The following ABHD17B variants were observed in gnomAD, a reference collection of about 807,000 sequenced individuals.
ABHD17B encodes abhydrolase domain containing 17B, depalmitoylase.
A neutral mutation model predicts 26.2 loss-of-function variants in ABHD17B; 9 were observed. The ratio of observed to expected loss-of-function variants is 0.34; its 90% CI spans 0.21 to 0.60. The LOEUF (loss-of-function observed/expected upper bound fraction) is 0.60, where lower values mean the gene tolerates loss of function less well. ABHD17B is among the 20% of genes least tolerant of loss of function. ABHD17B has a pLI of 0.80. For missense variants in ABHD17B, 224 were observed against 352.1 expected (o/e 0.64, Z 2.91); for synonymous variants, 127 against 122.3 (o/e 1.04, Z -0.25).
intron 1 of ABHD17B, among the ~76,000 whole-genome samples, chr9:71,910,379 G>A (rs1197662520): frequency 2.0e-5 from 3 of 152,106 alleles, no homozygotes; most frequent in East Asian, 3.9e-4. Flanking sequence ...CCGCTCCACG[G>A]ACCGCAGGGA....
At position 71,910,665 on chromosome 9, in the gene ABHD17B, G is replaced by C. The variant is rs1034471634; in HGVS notation, c.-35C>G. 2.0e-5 allele frequency: 3 copies of C among 152,192 alleles called. No homozygotes were observed. The highest frequency in any genetic ancestry group is 7.2e-5 in the African/African-American group (3 of 41,444). 9.4% of individuals were successfully genotyped at this position (152,192 alleles called of 1,614,324 possible). A position where few individuals can be genotyped will look rare whatever the true frequency, so the allele number is the denominator to read the frequency against. On this transcript the variant is annotated 5_prime_UTR_variant, in exon 1 of 4. Transcript: ENST00000333421. ...CTGAGCGGCCCGGGCCGAAGCGCCGGGCAGAAGGGGTCGAGAGAGAACCGC... is the reference window on the plus strand; with the variant it reads ...CTGAGCGGCCCGGGCCGAAGCGCCGCGCAGAAGGGGTCGAGAGAGAACCGC...
chr9:71,889,759 T>TA (rs1826724942), intron 1 of ABHD17B, among the ~76,000 whole-genome samples: 2 of 151,782 alleles, frequency 1.3e-5, no homozygotes, highest in South Asian at 2.1e-4. Context: ...ACAAAACTGA[T>TA]AAAAAACAAA....
chr9:71,905,478 A>G (rs1827256415), intron 1 of ABHD17B, among the ~76,000 whole-genome samples: 1 of 152,180 alleles, frequency 6.6e-6, no homozygotes, highest in Admixed American at 6.5e-5. Context: ...ATATTTTTCT[A>G]CCTTCTAAAA....
At chr9:71,903,349 T>C (rs1474347615) in intron 1 of ABHD17B, among the ~76,000 whole-genome samples, 3 of 152,192 alleles carry the variant, frequency 2.0e-5, no homozygotes, top group Non-Finnish European at 2.9e-5. Flanking sequence ...TTGCTAGTGA[T>C]TTTCCAACAA....
At chr9:71,907,427 T>C (rs916659526) in intron 1 of ABHD17B, among the ~76,000 whole-genome samples, 6 of 152,158 alleles carry the variant, frequency 3.9e-5, no homozygotes, top group African/African-American at 1.4e-4. Context: ...AGGATGCATG[T>C]CAACTTTGGG....
rs1463581812 is a variant in ABHD17B at position 71,865,274 on chromosome 9, G to A, written c.*1513C>T. 2.1e-5 allele frequency: 21 copies of A among 985,462 alleles called. No individual in the cohort carries two copies. The allele number at this position is 985,462 out of a possible 1,614,324, so 61.0% of individuals were successfully genotyped here. On this transcript the variant is annotated 3_prime_UTR_variant, in exon 4 of 4. Transcript: ENST00000333421. ...CTTAAACATAACCACGGAACGAGCA[G>A]AACAATTAAAACTACATAAGGCCTT...
chr9:71,865,052 A>T (rs886591531), downstream of ABHD17B: 9 of 609,268 alleles, frequency 1.5e-5, no homozygotes, highest in Non-Finnish European at 1.8e-5. Context: ...ATATAATTTT[A>T]AAAATTTTCA....
chr9:71,906,420 C>A (rs904910540), intron 1 of ABHD17B, among the ~76,000 whole-genome samples: 4 of 152,312 alleles, frequency 2.6e-5, no homozygotes, highest in East Asian at 1.9e-4. Context: ...GATGGAGACA[C>A]CATCCATTGG....
chr9:71,883,756 G>A (rs947552094), intron 1 of ABHD17B, among the ~76,000 whole-genome samples: 17 of 152,246 alleles, frequency 1.1e-4, no homozygotes, highest in African/African-American at 4.1e-4. Flanking sequence ...GGCCAACATG[G>A]TGAAACCCCA....
At chr9:71,870,755 T>C (rs768928715) in intron 2 of ABHD17B, among the ~76,000 whole-genome samples, 5 of 152,214 alleles carry the variant, frequency 3.3e-5, no homozygotes. Context: ...GAAATGAATA[T>C]ATGTATGGTT....
intron 2 of ABHD17B, among the ~76,000 whole-genome samples, chr9:71,871,774 A>G (rs552939147): frequency 1.3e-4 from 20 of 152,202 alleles, no homozygotes; most frequent in Non-Finnish European, 2.4e-4. Flanking sequence ...TGACAGCTCT[A>G]TAATTAGAAC....
At chr9:71,876,919 A>T (rs1425195813) in intron 1 of ABHD17B, among the ~76,000 whole-genome samples, 1 of 152,166 alleles carries the variant, frequency 6.6e-6, no homozygotes, top group Non-Finnish European at 1.5e-5. Flanking sequence ...TCCTACCTTT[A>T]TTTCTTTTTA....
downstream of ABHD17B, among the ~76,000 whole-genome samples, chr9:71,864,569 T>C (rs935811303): frequency 2.0e-5 from 3 of 152,032 alleles, no homozygotes. Context: ...CCATATATTA[T>C]TCATTCCCCT....
At chr9:71,883,884 C>T (rs1826525191) in intron 1 of ABHD17B, among the ~76,000 whole-genome samples, 1 of 151,944 alleles carries the variant, frequency 6.6e-6, no homozygotes, top group African/African-American at 2.4e-5. Context: ...TTGCAGTGAG[C>T]CGAGATTGCA....
chr9:71,882,381 C>T (rs989933994), intron 1 of ABHD17B, among the ~76,000 whole-genome samples: 10 of 152,254 alleles, frequency 6.6e-5, no homozygotes, highest in Admixed American at 2.6e-4. Flanking sequence ...GTAGGCTGGG[C>T]GCAGCAGAGG....
chr9:71,871,612 A>G (rs996476151), intron 2 of ABHD17B, among the ~76,000 whole-genome samples: 2 of 152,230 alleles, frequency 1.3e-5, no homozygotes, highest in Non-Finnish European at 2.9e-5. Context: ...GACAATGCTC[A>G]AGGATAGAGT....
chr9:71,903,529 T>C (rs1047640634), intron 1 of ABHD17B, among the ~76,000 whole-genome samples: 6 of 152,334 alleles, frequency 3.9e-5, no homozygotes, highest in East Asian at 1.9e-4. Flanking sequence ...TACATATCCA[T>C]TGCCTTCATC....
chr9:71,877,348 TA>T (rs1826307196), intron 1 of ABHD17B, among the ~76,000 whole-genome samples: 1 of 152,244 alleles, frequency 6.6e-6, no homozygotes, highest in African/African-American at 2.4e-5. Context: ...AATAGCCTTT[TA>T]AAAAGCTTAA....
chr9:71,878,484 A>C (rs950795391), intron 1 of ABHD17B, among the ~76,000 whole-genome samples: 2 of 152,218 alleles, frequency 1.3e-5, no homozygotes, highest in Non-Finnish European at 2.9e-5. Context: ...GTGTACCAAA[A>C]AACAACAAAC....
Sources: allele counts gnomAD v4.1 joint callset (sites outside exome capture counted in the v4.1 genomes callset), GRCh38; gene constraint gnomAD v4.1.1; transcripts MANE v1.5; gene names NCBI Gene and HGNC (gene_info 2026-07-23, HGNC 2026-07-21).